KIF7: variants seen among roughly 807,000 people sequenced by gnomAD.
KIF7 encodes the protein kinesin family member 7, also known as kinesin-like protein KIF7.
Under a neutral mutation model 135.7 loss-of-function variants are expected in KIF7, and 104 were observed. That is an observed-to-expected ratio of 0.77 (90% CI 0.65 to 0.90). KIF7 has a LOEUF of 0.90. KIF7 is among the 40% of genes least tolerant of loss of function. KIF7 has a pLI of 0.00. For missense variants in KIF7, 2,005 were observed against 1,839.1 expected (o/e 1.09, Z -1.65); for synonymous variants, 883 against 809.4 (o/e 1.09, Z -1.54).
Position 89,652,660 on chromosome 15 carries a change from A to G in KIF7, c.271T>C (p.Phe91Leu). The change falls in exon 2 of 19, where the codon TTT (phenylalanine) becomes CTT (leucine). Residue 91 changes from phenylalanine (F) to leucine (L), a missense_variant. Transcript: ENST00000394412. ...AFFEGFNATV[F>L]AYGQTGSGKT... ...CCTGAGCCCGTCTGACCATAGGCAAAGACAGTGGCATTGAAGCCCTCGAAG... is the reference window on the plus strand; with the variant it reads ...CCTGAGCCCGTCTGACCATAGGCAAGGACAGTGGCATTGAAGCCCTCGAAG... 1 of 1,550,548 alleles carries G rather than the reference A, an allele frequency of 6.4e-7. No individual in the cohort carries two copies. Among genetic ancestry groups the G allele is most frequent in the Non-Finnish European group, 8.7e-7 (1 of 1,145,904 alleles).
At chr15:89,629,610 G>C (rs1963628125) in intron 16 of KIF7, 37 bp from the exon 17 acceptor site, 1 of 1,599,998 alleles carries the variant, frequency 6.3e-7, no homozygotes, top group Non-Finnish European at 8.5e-7. Flanking sequence ...CCCTCATCAT[G>C]ACCCCTCTTC....
In KIF7 at chr15:89,628,690, AG is replaced by A. The variant is rs747131428; in HGVS notation, c.3760del (p.Leu1254SerfsTer22). 1 of 1,612,422 alleles carries A rather than the reference AG, an allele frequency of 6.2e-7. No individual in the cohort carries two copies. The highest frequency in any genetic ancestry group is 8.5e-7 in the Non-Finnish European group (1 of 1,179,556). ...CCGGGTGCGGGGGGCCCCCTCAGTG[AG>A]GGGGGACAGCCAGAGAAGCTCGGGT... is the stretch of plus-strand genomic sequence containing the variant. Reference protein sequence around the residue: ...LAPELLWLSPLTEGAPRTREE... With the variant: ...LAPELLWLSPXTEGAPRTREE... On this transcript the variant is annotated frameshift_variant, in exon 19 of 19. Transcript: ENST00000394412. LOFTEE classifies it low-confidence loss of function (END_TRUNC).
rs780942335 is a variant in KIF7, at chr15:89,628,453, GGGCTGGCTCGTC to G, written c.3986_3997del (p.Arg1329_Ser1332del). 2.6e-4 allele frequency: 419 copies of G among 1,609,756 alleles called. No homozygotes were observed. The highest frequency in any genetic ancestry group is 3.4e-4 in the Non-Finnish European group (396 of 1,177,996). On this transcript the variant is annotated inframe_deletion, in exon 19 of 19. Coordinates refer to ENST00000394412, the MANE Select transcript of KIF7 (RefSeq NM_198525.3). ...GTTTTTCCGGACATCAATCATCCCC[GGGCTGGCTCGTC>G]GCAGTTCCCGCCGGGGCTTGGACAA...
At chr15:89,631,776 G>T (rs575081263) in intron 14 of KIF7, 66 bp from the exon 15 acceptor site, 3 of 1,379,886 alleles carry the variant, frequency 2.2e-6, no homozygotes, top group East Asian at 2.5e-5. Context: ...GGACAGAAAG[G>T]GCCGGATGTT....
chr15:89,649,501 T>C, intron 3 of KIF7, 134 bp from the exon 4 acceptor site: 1 of 1,127,118 alleles, frequency 8.9e-7, no homozygotes, highest in Non-Finnish European at 1.2e-6. Context: ...CACGGGGTAC[T>C]GCCCTTCCTA....
At chr15:89,649,398 G>A (rs1964086310) in intron 3 of KIF7, 31 bp from the exon 4 acceptor site, 9 of 1,445,674 alleles carry the variant, frequency 6.2e-6, no homozygotes, top group African/African-American at 2.9e-5. Context: ...GAGCCCCAGG[G>A]CAGGGGCCGC....
rs780065938 is a variant in KIF7 at position 89,631,489 on chromosome 15, G to T, written c.3111+6C>A. ...CAAGGGGCTGAGCCATGGGGCCGCAGGGTACCTCGGGGGACAGCAGACTCC... is the reference window on the plus strand; with the variant it reads ...CAAGGGGCTGAGCCATGGGGCCGCATGGTACCTCGGGGGACAGCAGACTCC... On this transcript the variant is annotated splice_donor_region_variant and intron_variant, in intron 15 of 18. Coordinates refer to ENST00000394412, the MANE Select transcript of KIF7 (RefSeq NM_198525.3). 22 of 1,565,098 alleles carry T rather than the reference G, an allele frequency of 1.4e-5. No homozygotes were observed. Among genetic ancestry groups the T allele is most frequent in the Non-Finnish European group, 1.8e-5 (21 of 1,155,124 alleles).
At chr15:89,646,498 G>A (rs997953813) in intron 7 of KIF7, among the ~76,000 whole-genome samples, 2 of 152,156 alleles carry the variant, frequency 1.3e-5, no homozygotes, top group African/African-American at 4.8e-5. Context: ...AGACAGAGGG[G>A]GTGGTCTGAA....
Position 89,652,902 on chromosome 15 carries a change from C to T in KIF7, c.29G>A (p.Gly10Glu), listed in dbSNP as rs543942301. 3.5e-5 allele frequency: 53 copies of T among 1,530,808 alleles called. No homozygotes were observed. In the South Asian group the frequency reaches 5.4e-4, roughly 16 times the overall value. The allele number at this position is 1,530,808 out of a possible 1,614,324, so 94.8% of individuals were successfully genotyped here. MGLEAQRLP[G>E]AEEAPVRVAL... ...AACCCGCACTGGGGCCTCCTCAGCC[C>T]CTGGCAGCCTCTGAGCCTCCAGCCC... The change falls in exon 2 of 19, where the codon GGG (glycine) becomes GAG (glutamate). Residue 10 changes from glycine (G) to glutamate (E), a missense_variant. Physicochemically the swap from Gly to Glu is moderately conservative, Grantham distance 98. Transcript: ENST00000394412.
upstream of KIF7, among the ~76,000 whole-genome samples, chr15:89,660,429 G>A (rs1442732588): frequency 6.6e-6 from 1 of 152,196 alleles, no homozygotes; most frequent in Non-Finnish European, 1.5e-5. Context: ...AGAAGTAGTT[G>A]TAATTTCTGG....
chr15:89,632,843 T>C lies in KIF7; in HGVS notation c.2872A>G (p.Ser958Gly). Reference protein sequence around the residue: ...ALMQEKTGLESKRLRSSQALN... With the variant: ...ALMQEKTGLEGKRLRSSQALN... The stretch of plus-strand genomic sequence containing the variant: ...ACCTGGCTGGATCTCAGGCGCTTGC[T>C]CTCCAGCCCCGTCTTCTCCTGCATC... Residue 958 changes from serine (S) to glycine (G), a missense_variant, in exon 14 of 19, where the codon AGC (serine) becomes GGC (glycine). Coordinates refer to ENST00000394412, the MANE Select transcript of KIF7 (RefSeq NM_198525.3). 1 of 1,607,910 alleles carries C rather than the reference T, an allele frequency of 6.2e-7. No individual in the cohort carries two copies. Among genetic ancestry groups the C allele is most frequent in the Non-Finnish European group, 8.5e-7 (1 of 1,179,682 alleles).
Position 89,629,537 on chromosome 15 carries a change from T to C in KIF7, c.3355A>G (p.Ile1119Val). The change falls in exon 17 of 19, where the codon ATT becomes GTT. Residue 1119 changes from isoleucine (I) to valine (V), a missense_variant. Physicochemically the swap from Ile to Val is conservative, Grantham distance 29. Coordinates refer to ENST00000394412, the MANE Select transcript of KIF7 (RefSeq NM_198525.3). ...TGCATCTCCAGTTCCGAGAAGGCAATCTGCTGCTGGTGCTGCTCCTCTCGG... is the reference window on the plus strand; with the variant it reads ...TGCATCTCCAGTTCCGAGAAGGCAACCTGCTGCTGGTGCTGCTCCTCTCGG... ...TLREEQHQQQ[I>V]AFSELEMQLE... 2 of 1,609,866 alleles carry C rather than the reference T, an allele frequency of 1.2e-6. No individual in the cohort carries two copies. The highest frequency in any genetic ancestry group is 1.7e-6 in the Non-Finnish European group (2 of 1,179,976).
At chr15:89,641,085 A>T (rs541591517) in intron 11 of KIF7, among the ~76,000 whole-genome samples, 1 of 152,274 alleles carries the variant, frequency 6.6e-6, no homozygotes, top group South Asian at 2.1e-4. Context: ...TGAAAGCCCT[A>T]ACCACCAGCA....
chr15:89,619,725 A>T, intron 1 of KIF7: 2 of 1,611,210 alleles, frequency 1.2e-6, no homozygotes, highest in Non-Finnish European at 1.7e-6. Context: ...TCTGAGACGA[A>T]GTCCTCGAAT....
At chr15:89,623,561 A>T (rs34849718), downstream of KIF7, 12,794 of 1,500,650 alleles carry the variant, frequency 8.5e-3, 81 homozygotes, top group Non-Finnish European at 9.5e-3. Context: ...GAGATTACTA[A>T]AACACTTCAG....
intron 17 of KIF7, 103 bp downstream of exon 17, chr15:89,629,256 GTGCAGGGGCTGTGAGT>G (rs2082178390): frequency 8.3e-7 from 1 of 1,205,278 alleles, no homozygotes; most frequent in Non-Finnish European, 1.1e-6. Context: ...AGGGCTGTAG[GTGCAGGGGCTGTGAGT>G]GGCAGGGGCG....
chr15:89,633,947 G>A (rs1963744991), intron 11 of KIF7, 64 bp from the exon 12 acceptor site: 3 of 1,575,544 alleles, frequency 1.9e-6, no homozygotes, highest in Admixed American at 3.3e-5. Flanking sequence ...CATAGTGCTG[G>A]GCACTCAACA....
chr15:89,642,300 A>C lies in KIF7; in HGVS notation c.2297T>G (p.Leu766Arg). Residue 766 changes from leucine (L) to arginine (R), a missense_variant, in exon 11 of 19, where the codon CTG becomes CGG. Physicochemically the swap from Leu to Arg is moderately radical, Grantham distance 102. Transcript: ENST00000394412. ...RAELSEGQRQ[L>R]RELEGKELQD... is the part of the protein sequence containing the mutation. Reference sequence around the variant, plus strand: ...GAGCTCCTTGCCCTCGAGCTCCCGCAGCTGCCTCTGGCCTTCACTCAGCTC... The same window carrying C: ...GAGCTCCTTGCCCTCGAGCTCCCGCCGCTGCCTCTGGCCTTCACTCAGCTC... 6.2e-7 allele frequency: 1 copy of C among 1,610,424 alleles called. No homozygotes were observed. The highest frequency in any genetic ancestry group is 8.5e-7 in the Non-Finnish European group (1 of 1,179,476).
rs1963626311 is a variant in KIF7 at position 89,629,568 on chromosome 15, C to G, written c.3324G>C (p.Val1108=). The G allele has an allele frequency of 1.2e-6, 2 of 1,605,698 alleles. No individual in the cohort carries two copies. Among genetic ancestry groups the G allele is most frequent in the Admixed American group, 3.3e-5 (2 of 60,028 alleles). Residue 1108 remains valine, a synonymous_variant, in exon 17 of 19, where the codon GTG becomes GTC. Coordinates refer to ENST00000394412, the MANE Select transcript of KIF7 (RefSeq NM_198525.3). ...ALLCKYFDKV[V]TLREEQHQQQ... ...GCTGGTGCTGCTCCTCTCGGAGCGT[C>G]ACCACCTGTCCCAAGACCCAGCCAG... is the stretch of plus-strand genomic sequence containing the variant.
Sources: allele counts gnomAD v4.1 joint callset (sites outside exome capture counted in the v4.1 genomes callset), GRCh38; gene constraint gnomAD v4.1.1; transcripts MANE v1.5; gene names NCBI Gene and HGNC (gene_info 2026-07-23, HGNC 2026-07-21).